The following STX12 variants were observed in gnomAD, a reference collection of about 807,000 sequenced individuals.
STX12 encodes syntaxin-12.
In STX12, 17 loss-of-function variants were observed where a neutral mutation model predicts 42.2. That is an observed-to-expected ratio of 0.40 (90% CI 0.28 to 0.60). STX12 has a LOEUF of 0.60. Among genes scored for constraint, STX12 ranks in the 20% least tolerant of loss-of-function variants. STX12 has a pLI of 0.39. For synonymous variants in STX12, 108 were observed against 116.7 expected, an observed-to-expected ratio of 0.93 and a Z score of 0.48; for missense variants, 297 against 330.9, an observed-to-expected ratio of 0.90 and a Z score of 0.79.
chr1:27,820,583 C>A (rs2088977340), intron 8 of STX12, among the ~76,000 whole-genome samples: 1 of 152,166 alleles, frequency 6.6e-6, no homozygotes, highest in South Asian at 2.1e-4. Context: ...GAAGTCCTTG[C>A]CCATCCTATG....
At position 27,789,626 on chromosome 1, in the gene STX12, A is replaced by G; in HGVS notation, c.183A>G (p.Glu61=). 1 of 1,613,112 alleles carries G rather than the reference A, an allele frequency of 6.2e-7. No homozygotes were observed. Among genetic ancestry groups the G allele is most frequent in the South Asian group, 1.1e-5 (1 of 90,926 alleles). Residue 61 remains glutamate (E), a synonymous_variant, in exon 2 of 9, where the codon GAA becomes GAG. Coordinates refer to ENST00000373943, the MANE Select transcript of STX12 (RefSeq NM_177424.3). ...AGCAGGACTCAAGCAAGCTACAGGAAAATCTGTGAGTAACTTCCTGACAAG... is the reference window on the plus strand; with the variant it reads ...AGCAGGACTCAAGCAAGCTACAGGAGAATCTGTGAGTAACTTCCTGACAAG... ...GTKQDSSKLQ[E]NLQQLQHSTN...
At position 27,801,729 on chromosome 1, in the gene STX12, T is replaced by C. The variant is rs749136413; in HGVS notation, c.340T>C (p.Leu114=). ...CCTCATGAATGACTTCTCTGCAGCC[T>C]TAAACAATTTCCAGGCTGTGCAGAG... ...ERLMNDFSAA[L]NNFQAVQRRV... Residue 114 remains leucine, a synonymous_variant, in exon 4 of 9, where the codon TTA becomes CTA. Coordinates refer to ENST00000373943, the MANE Select transcript of STX12 (RefSeq NM_177424.3). 6.3e-7 allele frequency: 1 copy of C among 1,592,592 alleles called. No homozygotes were observed. The highest frequency in any genetic ancestry group is 1.1e-5 in the South Asian group (1 of 87,148).
chr1:27,802,568 A>G (rs1226298587), intron 4 of STX12, among the ~76,000 whole-genome samples: 1 of 152,174 alleles, frequency 6.6e-6, no homozygotes. Flanking sequence ...CTTCAGGCAG[A>G]TTTTCTGCTC....
chr1:27,789,655 G>C, intron 2 of STX12, 24 bp downstream of exon 2: 1 of 1,603,850 alleles, frequency 6.2e-7, no homozygotes, highest in South Asian at 1.1e-5. Context: ...TGACAAGGTT[G>C]GGTTTTGTGA....
At chr1:27,804,675 G>A (rs923029066) in intron 4 of STX12, among the ~76,000 whole-genome samples, 2 of 151,936 alleles carry the variant, frequency 1.3e-5, no homozygotes, top group Non-Finnish European at 2.9e-5. Context: ...GCCGGGCATG[G>A]TGGCAGGTGC....
At position 27,773,391 on chromosome 1, in the gene STX12, G is replaced by A. The variant is rs1257934059; in HGVS notation, c.84G>A (p.Thr28=). ...GGGACTTCAGCAGCATCATCCAGAC[G>A]TGCAGCGGCAACATCCAGCGGATCA... ...QLRDFSSIIQ[T]CSGNIQRISQ... The change falls in exon 1 of 9, where the codon ACG becomes ACA. Residue 28 remains threonine, a synonymous_variant. Transcript: ENST00000373943. The A allele has an allele frequency of 5.0e-6, 8 of 1,613,708 alleles. No homozygotes were observed. Among genetic ancestry groups the A allele is most frequent in the Admixed American group, 1.7e-5 (1 of 60,018 alleles).
At chr1:27,793,793 T>A (rs961785114) in intron 3 of STX12, among the ~76,000 whole-genome samples, 161 bp downstream of exon 3, 1 of 152,064 alleles carries the variant, frequency 6.6e-6, no homozygotes, top group Non-Finnish European at 1.5e-5. Context: ...ATGTGACTGT[T>A]GGGGCAATAG....
intron 3 of STX12, among the ~76,000 whole-genome samples, chr1:27,798,712 A>C (rs2088804644): frequency 6.7e-6 from 1 of 148,640 alleles, no homozygotes; most frequent in African/African-American, 2.5e-5. Flanking sequence ...ACTCCATCTC[A>C]AAAAAAGAAA....
chr1:27,780,015 T>C lies in STX12; in HGVS notation c.118+6590T>C, dbSNP rs150287282. 2.2e-3 allele frequency among the ~76,000 whole-genome samples: 339 copies of C among 151,962 alleles called. 4 individuals are homozygous for C. The highest frequency in any genetic ancestry group is 7.8e-3 in the African/African-American group (322 of 41,424). ...CATGTTGGTCAGGCTAGTCTTGAAC[T>C]CCTGACCTCAGGTGATCCGCCCGCC... On this transcript the variant is annotated intron_variant, in intron 1 of 8. Coordinates refer to ENST00000373943, the MANE Select transcript of STX12 (RefSeq NM_177424.3).
At chr1:27,780,718 G>A (rs941310973) in intron 1 of STX12, among the ~76,000 whole-genome samples, 12 of 152,086 alleles carry the variant, frequency 7.9e-5, no homozygotes, top group African/African-American at 2.4e-4. Flanking sequence ...TGGGGAGGCT[G>A]AGGCGAGTGG....
At chr1:27,809,539 C>A (rs1391545481) in intron 4 of STX12, among the ~76,000 whole-genome samples, 1 of 147,624 alleles carries the variant, frequency 6.8e-6, no homozygotes, top group Non-Finnish European at 1.5e-5. Context: ...CAGCTTACTG[C>A]AGCCTCCGCC....
At chr1:27,814,837 C>CAAAAAAAAAAAAAA (rs34514169) in intron 6 of STX12, among the ~76,000 whole-genome samples, 1 of 84,588 alleles carries the variant, frequency 1.2e-5, no homozygotes, top group African/African-American at 3.6e-5. Context: ...GACTCTGTCT[C>CAAAAAAAAAAAAAA]AAAAAAAAAA....
intron 1 of STX12, among the ~76,000 whole-genome samples, chr1:27,787,383 G>C (rs573046703): frequency 1.3e-5 from 2 of 152,266 alleles, no homozygotes; most frequent in South Asian, 2.1e-4. Flanking sequence ...TACTGGCCGG[G>C]TGCAGTGGCT....
chr1:27,813,163 A>C (rs2088916421), intron 6 of STX12, among the ~76,000 whole-genome samples: 1 of 151,650 alleles, frequency 6.6e-6, no homozygotes. Context: ...TTGCACAGTG[A>C]CTAATAAAAT....
At chr1:27,786,919 T>C (rs1359241433) in intron 1 of STX12, among the ~76,000 whole-genome samples, 4 of 152,158 alleles carry the variant, frequency 2.6e-5, no homozygotes, top group Non-Finnish European at 4.4e-5. Context: ...ACATACCACA[T>C]GTTAGTGATG....
At chr1:27,806,260 A>G (rs1480911347) in intron 4 of STX12, among the ~76,000 whole-genome samples, 2 of 152,180 alleles carry the variant, frequency 1.3e-5, no homozygotes, top group South Asian at 2.1e-4. Flanking sequence ...ACAGGCTCAT[A>G]CTTCTTTTCA....
intron 4 of STX12, among the ~76,000 whole-genome samples, chr1:27,807,170 C>T (rs901634451): frequency 6.6e-6 from 1 of 152,026 alleles, no homozygotes; most frequent in Non-Finnish European, 1.5e-5. Flanking sequence ...AATGGGGTGT[C>T]TATCCCCTCA....
intron 7 of STX12, among the ~76,000 whole-genome samples, chr1:27,818,335 T>G (rs908532770): frequency 6.6e-6 from 1 of 151,664 alleles, no homozygotes; most frequent in African/African-American, 2.4e-5. Flanking sequence ...GAGCCGAGAT[T>G]GCGCCACTGT....
chr1:27,782,698 T>C (rs1276645237), intron 1 of STX12, among the ~76,000 whole-genome samples: 1 of 152,092 alleles, frequency 6.6e-6, no homozygotes, highest in Non-Finnish European at 1.5e-5. Flanking sequence ...TAGCCCGGCA[T>C]GGTGGTGGGC....
Sources: allele counts gnomAD v4.1 joint callset (sites outside exome capture counted in the v4.1 genomes callset), GRCh38; gene constraint gnomAD v4.1.1; transcripts MANE v1.5; gene names NCBI Gene and HGNC (gene_info 2026-07-23, HGNC 2026-07-21).